THSD4: variants seen among roughly 807,000 people sequenced by gnomAD.
THSD4 encodes thrombospondin type 1 domain containing 4.
In THSD4, 69 loss-of-function variants were observed where a neutral mutation model predicts 119.0. That is an observed-to-expected ratio of 0.58 (90% CI 0.48 to 0.71). The LOEUF (loss-of-function observed/expected upper bound fraction) is 0.71, where lower values mean the gene tolerates loss of function less well. Among genes scored for constraint, THSD4 ranks in the 30% least tolerant of loss-of-function variants. The pLI is 0.00. For missense variants in THSD4, 1,393 were observed against 1,391.1 expected, an observed-to-expected ratio of 1.00 and a Z score of -0.02; for synonymous variants, 524 against 540.4, an observed-to-expected ratio of 0.97 and a Z score of 0.42.
At chr15:71,467,829 CT>C (rs2047520897) in intron 7 of THSD4, among the ~76,000 whole-genome samples, 1 of 147,560 alleles carries the variant, frequency 6.8e-6, no homozygotes, top group Admixed American at 6.9e-5. Context: ...TTGAATAAGT[CT>C]CAGGAGATAT....
chr15:71,530,014 T>C (rs1290199739), intron 7 of THSD4, among the ~76,000 whole-genome samples: 1 of 152,226 alleles, frequency 6.6e-6, no homozygotes, highest in Non-Finnish European at 1.5e-5. Context: ...TGGTGCTAGG[T>C]GGCAGTGCTT....
chr15:71,707,828 G>A (rs549799231), intron 8 of THSD4, among the ~76,000 whole-genome samples: 50 of 152,122 alleles, frequency 3.3e-4, no homozygotes, highest in Non-Finnish European at 6.5e-4. Flanking sequence ...CTTGGAGAAA[G>A]CATCCTTTTC....
At chr15:71,644,761 G>GTATCAA (rs1260064034) in intron 7 of THSD4, among the ~76,000 whole-genome samples, 2 of 152,140 alleles carry the variant, frequency 1.3e-5, no homozygotes, top group Non-Finnish European at 2.9e-5. Context: ...GAATGGCTTT[G>GTATCAA]TATCAATCAT....
At chr15:71,455,383 C>T (rs2047325135) in intron 7 of THSD4, among the ~76,000 whole-genome samples, 1 of 152,108 alleles carries the variant, frequency 6.6e-6, no homozygotes, top group Non-Finnish European at 1.5e-5. Context: ...TTCGCTTTGA[C>T]TGTATATTGA....
chr15:71,606,668 G>C (rs143507522), intron 7 of THSD4, among the ~76,000 whole-genome samples: 3 of 152,260 alleles, frequency 2.0e-5, no homozygotes, highest in African/African-American at 7.2e-5. Flanking sequence ...AGCCTCCCGA[G>C]TAGCTGGGAT....
intron 7 of THSD4, among the ~76,000 whole-genome samples, chr15:71,423,755 C>T (rs1037095370): frequency 1.4e-4 from 22 of 152,206 alleles, no homozygotes; most frequent in African/African-American, 3.9e-4. Flanking sequence ...ACATTCCCAG[C>T]GATTACACGG....
intron 7 of THSD4, chr15:71,547,584 G>A (rs2048856905): frequency 7.3e-7 from 1 of 1,368,536 alleles, no homozygotes; most frequent in Non-Finnish European, 9.8e-7. Flanking sequence ...TTTATGGGGT[G>A]CAAAGAGTAA....
intron 6 of THSD4, among the ~76,000 whole-genome samples, chr15:71,269,759 A>G (rs1057490068): frequency 6.6e-6 from 1 of 152,222 alleles, no homozygotes; most frequent in African/African-American, 2.4e-5. Flanking sequence ...AAGTCTCAGG[A>G]TACAAAATCA....
intron 11 of THSD4, chr15:71,738,256 A>G (rs953406961): frequency 1.6e-5 from 8 of 501,920 alleles, no homozygotes; most frequent in African/African-American, 9.7e-5. Context: ...ACAGTTCACA[A>G]TAGGGTTCAC....
intron 14 of THSD4, among the ~76,000 whole-genome samples, chr15:71,754,463 G>GTT (rs2053503027): frequency 9.2e-5 from 4 of 43,308 alleles, no homozygotes; most frequent in Non-Finnish European, 1.6e-4. Flanking sequence ...ATCATACATG[G>GTT]CTGAAACAAA....
intron 7 of THSD4, among the ~76,000 whole-genome samples, chr15:71,523,456 T>C (rs1456165518): frequency 6.6e-6 from 1 of 152,230 alleles, no homozygotes; most frequent in Admixed American, 6.5e-5. Flanking sequence ...CATTATGAGA[T>C]CCTTAGTCAC....
At chr15:71,331,696 C>T (rs1422368982) in intron 6 of THSD4, among the ~76,000 whole-genome samples, 1 of 152,174 alleles carries the variant, frequency 6.6e-6, no homozygotes, top group Non-Finnish European at 1.5e-5. Flanking sequence ...GAAAGGCATA[C>T]TGCTTCACAG....
intron 4 of THSD4, among the ~76,000 whole-genome samples, chr15:71,228,771 G>A (rs1227691004): frequency 1.3e-5 from 2 of 151,954 alleles, no homozygotes; most frequent in East Asian, 3.9e-4. Context: ...CCCAGGTCAG[G>A]CCTTGCCCCA....
chr15:71,129,594 C>A (rs2040485018), intron 1 of THSD4, among the ~76,000 whole-genome samples: 1 of 152,208 alleles, frequency 6.6e-6, no homozygotes, highest in African/African-American at 2.4e-5. Context: ...AAAACATTTT[C>A]TAATTTATGT....
chr15:71,378,946 G>A (rs1418927773), intron 6 of THSD4, among the ~76,000 whole-genome samples: 1 of 152,024 alleles, frequency 6.6e-6, no homozygotes, highest in Non-Finnish European at 1.5e-5. Flanking sequence ...ACAATGCTGG[G>A]CTAATCTTTT....
At chr15:71,223,979 G>A (rs2043994826) in intron 4 of THSD4, among the ~76,000 whole-genome samples, 1 of 152,178 alleles carries the variant, frequency 6.6e-6, no homozygotes, top group African/African-American at 2.4e-5. Context: ...TGCTGGTGGG[G>A]TGGAGCAGGA....
At chr15:71,725,287 C>T (rs988618348) in intron 8 of THSD4, among the ~76,000 whole-genome samples, 14 of 150,754 alleles carry the variant, frequency 9.3e-5, no homozygotes, top group Non-Finnish European at 1.9e-4. Context: ...TGGGTTCAGC[C>T]TTAGACAAGA....
chr15:71,294,855 C>G (rs774889667), intron 6 of THSD4, among the ~76,000 whole-genome samples: 1 of 149,868 alleles, frequency 6.7e-6, no homozygotes, highest in Non-Finnish European at 1.5e-5. Context: ...TTTGATGCGT[C>G]GGTGGTCACT....
intron 3 of THSD4, among the ~76,000 whole-genome samples, chr15:71,214,635 C>T (rs746330235): frequency 3.5e-4 from 53 of 152,216 alleles, no homozygotes; most frequent in African/African-American, 1.2e-3. Context: ...AAAGCGGTGG[C>T]CTCTCAACCA....
Sources: allele counts gnomAD v4.1 joint callset (sites outside exome capture counted in the v4.1 genomes callset), GRCh38; gene constraint gnomAD v4.1.1; transcripts MANE v1.5; gene names NCBI Gene and HGNC (gene_info 2026-07-23, HGNC 2026-07-21).